ANXA4: variants seen among roughly 807,000 people sequenced by gnomAD.
The protein encoded by ANXA4 is annexin A4.
In ANXA4, 39 loss-of-function variants were observed where a neutral mutation model predicts 49.8. The observed-to-expected ratio is 0.78, with a 90% CI of 0.61 to 1.02. The LOEUF (loss-of-function observed/expected upper bound fraction) is 1.02. Ranked by LOEUF, ANXA4 falls within the 50% of genes least tolerant of loss-of-function variation. ANXA4 has a pLI of 0.00. For missense variants in ANXA4, 360 were observed against 410.1 expected (o/e 0.88, Z 1.05); for synonymous variants, 134 against 152.5 (o/e 0.88, Z 0.89).
Position 69,824,983 on chromosome 2 carries a change from C to T in ANXA4, c.907-473C>T, listed in dbSNP as rs540034034. Among the ~76,000 whole-genome samples the T allele has an allele frequency of 9.8e-5, 14 of 142,940 alleles. No homozygotes were observed. The East Asian group carries it at 3.1e-3, about 32-fold the overall frequency. 93.8% of individuals were successfully genotyped at this position (142,940 alleles called of 152,430 possible). A position where few individuals can be genotyped will look rare whatever the true frequency, so the allele number is the denominator to read the frequency against. ...TCAGGAGGCTGACGCAGAAGAATGGCGTGAACCCGGGAGGCAGAGCTTGCA... is the reference window on the plus strand; with the variant it reads ...TCAGGAGGCTGACGCAGAAGAATGGTGTGAACCCGGGAGGCAGAGCTTGCA... On this transcript the variant is annotated intron_variant, in intron 12 of 12. Coordinates refer to ENST00000394295, the MANE Select transcript of ANXA4 (RefSeq NM_001153.5).
chr2:69,812,539 G>T, intron 7 of ANXA4, 114 bp from the exon 8 acceptor site: 1 of 816,132 alleles, frequency 1.2e-6, no homozygotes, highest in Non-Finnish European at 1.9e-6. Flanking sequence ...TGGGTCTGAA[G>T]CTCCAATTCT....
intron 1 of ANXA4, among the ~76,000 whole-genome samples, chr2:69,748,191 T>C (rs1303416639): frequency 6.6e-6 from 1 of 151,604 alleles, no homozygotes; most frequent in Non-Finnish European, 1.5e-5. Flanking sequence ...CTGGCTAACA[T>C]GGTGAAACCC....
At chr2:69,746,386 C>A (rs1670614235) in intron 1 of ANXA4, among the ~76,000 whole-genome samples, 1 of 152,138 alleles carries the variant, frequency 6.6e-6, no homozygotes, top group African/African-American at 2.4e-5. Context: ...TGCAAACTCA[C>A]CACATAGTCT....
chr2:69,810,334 C>T, intron 6 of ANXA4: 1 of 413,180 alleles, frequency 2.4e-6, no homozygotes, highest in Non-Finnish European at 4.6e-6. Flanking sequence ...ACTCCAGACT[C>T]CATCCAGCCT....
chr2:69,695,185 T>C (rs1678121657), intron 2 of ANXA4, among the ~76,000 whole-genome samples: 1 of 151,934 alleles, frequency 6.6e-6, no homozygotes, highest in South Asian at 2.1e-4. Flanking sequence ...TCCAGGAACA[T>C]ATTTAATGCA....
At chr2:69,683,995 T>A (rs1043176673) in intron 2 of ANXA4, among the ~76,000 whole-genome samples, 3 of 152,112 alleles carry the variant, frequency 2.0e-5, no homozygotes, top group African/African-American at 7.3e-5. Flanking sequence ...TTGATTGTTT[T>A]AAGTTGTGTT....
chr2:69,781,290 A>T (rs764404614), intron 1 of ANXA4: 1 of 571,116 alleles, frequency 1.8e-6, no homozygotes, highest in African/African-American at 1.9e-5. Flanking sequence ...ATCTCCAAAC[A>T]GAAGAACAGG....
intron 2 of ANXA4, among the ~76,000 whole-genome samples, chr2:69,712,124 G>A (rs1319437903): frequency 1.3e-5 from 2 of 151,694 alleles, no homozygotes; most frequent in South Asian, 4.2e-4. Flanking sequence ...CCACTAAACA[G>A]ACCACACACA....
intron 1 of ANXA4, among the ~76,000 whole-genome samples, chr2:69,750,371 G>A (rs929386997): frequency 1.3e-5 from 2 of 152,134 alleles, no homozygotes; most frequent in Non-Finnish European, 2.9e-5. Flanking sequence ...AATGTAAAGT[G>A]CCTCTAGTTG....
chr2:69,816,110 G>C lies in ANXA4; in HGVS notation c.544G>C (p.Glu182Gln). 1 of 1,614,052 alleles carries C rather than the reference G, an allele frequency of 6.2e-7. No homozygotes were observed. The highest frequency in any genetic ancestry group is 8.5e-7 in the Non-Finnish European group (1 of 1,179,938). ...LVRQDAQDLY[E>Q]AGEKKWGTDE... is the part of the protein sequence containing the mutation. ...CTTTGTTTGGCTTCAGGACCTGTAT[G>C]AGGCTGGAGAGAAGAAATGGGGGAC... is the stretch of plus-strand genomic sequence containing the variant. The change falls in exon 9 of 13, where the codon GAG (glutamate) becomes CAG (glutamine). Residue 182 changes from glutamate (E) to glutamine (Q), a missense_variant. Transcript: ENST00000394295.
At chr2:69,644,730 G>A (rs1675934414) in exon 1 of ANXA4, 2 of 152,228 alleles carry the variant, frequency 1.3e-5, no homozygotes, top group Admixed American at 6.5e-5. Context: ...GCGCATCAAA[G>A]CCTAAACTTC....
At chr2:69,736,141 G>T (rs1048769379) in intron 3 of ANXA4, among the ~76,000 whole-genome samples, 1 of 152,110 alleles carries the variant, frequency 6.6e-6, no homozygotes, top group African/African-American at 2.4e-5. Flanking sequence ...GCATTACTTT[G>T]GTTGTGCAGT....
upstream of ANXA4, chr2:69,643,812 G>A (rs1004723759): frequency 1.1e-5 from 13 of 1,184,590 alleles, no homozygotes; most frequent in Non-Finnish European, 1.4e-5. Flanking sequence ...ACCGCCGCCG[G>A]AAGTGCCCCT....
At chr2:69,792,311 G>T (rs1573265276) in intron 3 of ANXA4, among the ~76,000 whole-genome samples, 1 of 152,198 alleles carries the variant, frequency 6.6e-6, no homozygotes, top group African/African-American at 2.4e-5. Flanking sequence ...AAAATCCCGT[G>T]TTAAGAGAGA....
At chr2:69,823,458 C>T (rs879906428) in intron 12 of ANXA4, among the ~76,000 whole-genome samples, 1 of 151,856 alleles carries the variant, frequency 6.6e-6, no homozygotes, top group Non-Finnish European at 1.5e-5. Flanking sequence ...TAAAATCCAA[C>T]TTCATGCTGT....
rs146910356 is a variant in ANXA4 at position 69,675,882 on chromosome 2, G to A, written n.766+22600G>A. 4.3e-4 allele frequency among the ~76,000 whole-genome samples: 65 copies of A among 151,886 alleles called. 1 individual carries two copies. In the East Asian group the frequency reaches 0.012, roughly 28 times the overall value. ...ACTAAAAATACAAAAAATTAGCCAA[G>A]CGTGGTCTCAGATTCTCGGGAGGTT... On this transcript the variant is annotated intron_variant and non_coding_transcript_variant, in intron 2 of 3. Coordinates refer to the ANXA4 transcript ENST00000418066.
intron 1 of ANXA4, among the ~76,000 whole-genome samples, chr2:69,750,840 CAGAGAA>C (rs1670810391): frequency 6.6e-6 from 1 of 152,290 alleles, no homozygotes; most frequent in South Asian, 2.1e-4. Context: ...GGGCCTTTGT[CAGAGAA>C]ATGTCTCCCA....
chr2:69,647,383 TTTTATTTTATTTA>T (rs1676046259), intron 1 of ANXA4, among the ~76,000 whole-genome samples: 1 of 141,036 alleles, frequency 7.1e-6, no homozygotes, highest in East Asian at 2.1e-4. Flanking sequence ...ATTGTTTTAT[TTTTATTTTATTTA>T]TTTATTTATT....
In ANXA4 at chr2:69,751,507, C is replaced by CAAA. The variant is rs71397349; in HGVS notation, c.-47+9351_-47+9353dup. Among the ~76,000 whole-genome samples, 42 of 96,786 alleles carry CAAA rather than the reference C, an allele frequency of 4.3e-4. 1 individual carries two copies. Among genetic ancestry groups the CAAA allele is most frequent in the African/African-American group, 7.8e-4 (21 of 27,014 alleles). 63.5% of individuals were successfully genotyped at this position (96,786 alleles called of 152,430 possible). The stretch of plus-strand genomic sequence containing the variant: ...TGGATGACAGAGTGAGACCCTGTCT[C>CAAA]AAAAAAAAAAAAAAAAAAAAATACA... On this transcript the variant is annotated intron_variant, in intron 1 of 12. Transcript: ENST00000394295.
Sources: gnomAD v4.1 joint callset for allele counts (sites outside exome capture counted in the v4.1 genomes callset) on GRCh38, gnomAD v4.1.1 for gene constraint, MANE v1.5 for transcripts, NCBI Gene and HGNC (gene_info 2026-07-23, HGNC 2026-07-21) for gene names.